Variants in VWA3A observed in about 807,000 individuals in gnomAD.
VWA3A encodes von Willebrand factor A domain containing 3A, also known as von Willebrand factor A domain-containing protein 3A.
Under a neutral mutation model 160.4 loss-of-function variants are expected in VWA3A, and 134 were observed. The ratio of observed to expected loss-of-function variants is 0.84; its 90% CI spans 0.73 to 0.96. The LOEUF is 0.96. VWA3A is among the 40% of genes least tolerant of loss of function. The pLI, the probability that VWA3A is intolerant of heterozygous loss-of-function variation, is 0.00. For missense variants in VWA3A, 1,310 were observed against 1,447.9 expected (o/e 0.90, Z 1.55); for synonymous variants, 476 against 543.4 (o/e 0.88, Z 1.72).
intron 26 of VWA3A, among the ~76,000 whole-genome samples, chr16:22,144,611 A>G (rs1020024007): frequency 1.3e-5 from 2 of 152,126 alleles, no homozygotes; most frequent in African/African-American, 4.8e-5. Flanking sequence ...GCTCATTGGA[A>G]TAAGAATTAT....
chr16:22,134,266 C>A, intron 20 of VWA3A, 102 bp from the exon 21 acceptor site: 1 of 918,648 alleles, frequency 1.1e-6, no homozygotes, highest in Non-Finnish European at 1.6e-6. Flanking sequence ...CATTCCCAGC[C>A]CTCAAGTCAC....
intron 16 of VWA3A, among the ~76,000 whole-genome samples, chr16:22,125,784 A>C (rs1188348888): frequency 9.2e-5 from 14 of 152,222 alleles, no homozygotes; most frequent in Non-Finnish European, 1.5e-5. Flanking sequence ...TAGTTAAACT[A>C]CTTAAACAAA....
intron 8 of VWA3A, among the ~76,000 whole-genome samples, chr16:22,113,823 T>A (rs1324253178): frequency 2.0e-5 from 3 of 151,834 alleles, no homozygotes; most frequent in Non-Finnish European, 2.9e-5. Flanking sequence ...GGTTTTGAAT[T>A]CCTGGCCTCA....
At chr16:22,103,381 ACAAT>A (rs2141846178) in intron 5 of VWA3A, 90 bp from the exon 6 acceptor site, 2 of 1,204,362 alleles carry the variant, frequency 1.7e-6, no homozygotes, top group Non-Finnish European at 2.3e-6. Context: ...AAAAAAAAAA[ACAAT>A]TATTCATACC....
chr16:22,096,877 T>A lies in VWA3A; in HGVS notation c.33T>A (p.Cys11Ter). 5 of 1,549,230 alleles carry A rather than the reference T, an allele frequency of 3.2e-6. No individual in the cohort carries two copies. The highest frequency in any genetic ancestry group is 4.4e-6 in the Non-Finnish European group (5 of 1,144,962). The change falls in exon 2 of 34, where the codon TGT becomes TGA. Residue 11 changes from cysteine to a stop codon, truncating the protein, a stop_gained. Transcript: ENST00000389398. LOFTEE classifies it high-confidence loss of function. ...TCTTTAGGAAAATAAGCATTGGGTG[T>A]TTTGCAATGGCTACACAAACTAGTC... is the stretch of plus-strand genomic sequence containing the variant. MKKYRKISIG[C>*]FAMATQTSHV... is the part of the protein sequence containing the mutation.
chr16:22,115,902 GAAGGAAGGAAGGAAGGAAGGAAAGGA>G (rs1396626878), intron 9 of VWA3A, among the ~76,000 whole-genome samples: 851 of 37,644 alleles, frequency 0.023, 160 homozygotes, highest in African/African-American at 0.2. Flanking sequence ...AGGAAGGAAG[GAAGGAAGGAAGGAAGGAAGGAAAGGA>G]AAGGAAAGGA....
chr16:22,151,168 T>C (rs886387708), intron 30 of VWA3A, among the ~76,000 whole-genome samples: 4 of 151,572 alleles, frequency 2.6e-5, no homozygotes, highest in Non-Finnish European at 5.9e-5. Flanking sequence ...TAATCCCAGC[T>C]ACTCAGGAGA....
chr16:22,103,203 T>C (rs1444184581), intron 5 of VWA3A, among the ~76,000 whole-genome samples: 1 of 152,030 alleles, frequency 6.6e-6, no homozygotes, highest in African/African-American at 2.4e-5. Flanking sequence ...CCAGCAAATT[T>C]TTTTATTTTT....
chr16:22,114,662 C>A (rs1352623987), intron 8 of VWA3A, among the ~76,000 whole-genome samples: 3 of 152,172 alleles, frequency 2.0e-5, no homozygotes, highest in Non-Finnish European at 4.4e-5. Flanking sequence ...TTGTCCTGGG[C>A]CTGGTACCTA....
intron 16 of VWA3A, among the ~76,000 whole-genome samples, chr16:22,124,854 C>A (rs2141929130): frequency 6.6e-6 from 1 of 152,196 alleles, no homozygotes; most frequent in Non-Finnish European, 1.5e-5. Flanking sequence ...GGTCTTCTGA[C>A]TGTAAATCCC....
In VWA3A at chr16:22,118,904, C is replaced by G; in HGVS notation, c.993C>G (p.His331Gln). 6.2e-7 allele frequency: 1 copy of G among 1,613,866 alleles called. No homozygotes were observed. Among genetic ancestry groups the G allele is most frequent in the East Asian group, 2.2e-5 (1 of 44,864 alleles). ...YYHCYSPKMEHYTSRDMDELL... is the reference protein window; with the variant it reads ...YYHCYSPKMEQYTSRDMDELL... ...CTGATTGCTCTTGCCACCCTCAGCA[C>G]TACACCAGCCGGGACATGGATGAGC... Residue 331 changes from histidine (H) to glutamine (Q), a missense_variant and splice_region_variant, in exon 12 of 34, where the codon CAC becomes CAG. Coordinates refer to ENST00000389398, the MANE Select transcript of VWA3A (RefSeq NM_173615.5).
intron 16 of VWA3A, among the ~76,000 whole-genome samples, chr16:22,125,455 GCT>G (rs1567209619): frequency 6.6e-6 from 1 of 151,748 alleles, no homozygotes; most frequent in Non-Finnish European, 1.5e-5. Flanking sequence ...ACGGAATCTC[GCT>G]CTGTCACCCA....
At chr16:22,152,749 C>T in intron 31 of VWA3A, 115 bp downstream of exon 31, 1 of 1,463,122 alleles carries the variant, frequency 6.8e-7, no homozygotes, top group East Asian at 2.6e-5. Context: ...CCACCTCGGC[C>T]TCCCAAAATG....
At position 22,156,624 on chromosome 16, in the gene VWA3A, G is replaced by A. The variant is rs1039549556; in HGVS notation, c.*607G>A. The stretch of plus-strand genomic sequence containing the variant: ...CATGGTGAACAGTGAGCAGGCGGCT[G>A]AGCTGTGAGAGCCTAGCTCTGGAAA... On this transcript the variant is annotated 3_prime_UTR_variant, in exon 34 of 34. Transcript: ENST00000389398. The A allele has an allele frequency of 6.6e-6, 1 of 152,236 alleles. No individual in the cohort carries two copies. Among genetic ancestry groups the A allele is most frequent in the Non-Finnish European group, 1.5e-5 (1 of 68,088 alleles). 9.4% of individuals were successfully genotyped at this position (152,236 alleles called of 1,614,324 possible).
chr16:22,110,044 G>T (rs2045531402), intron 7 of VWA3A, among the ~76,000 whole-genome samples: 1 of 152,196 alleles, frequency 6.6e-6, no homozygotes, highest in Non-Finnish European at 1.5e-5. Context: ...TAGCAGAGAA[G>T]CTAAGAACTA....
At chr16:22,155,104 T>C (rs1377764450) in intron 31 of VWA3A, among the ~76,000 whole-genome samples, 1 of 150,738 alleles carries the variant, frequency 6.6e-6, no homozygotes, top group Non-Finnish European at 1.5e-5. Flanking sequence ...CAGTGAGCCG[T>C]GATCACGCCA....
intron 14 of VWA3A, 109 bp from the exon 15 acceptor site, chr16:22,122,976 T>C: frequency 1.1e-6 from 1 of 870,400 alleles, no homozygotes; most frequent in Middle Eastern, 2.2e-4. Flanking sequence ...CTCAAATGTG[T>C]TCAGAGTCCA....
In VWA3A at chr16:22,145,420, C is replaced by G. The variant is rs543125837; in HGVS notation, c.2731-816C>G. On this transcript the variant is annotated intron_variant, in intron 26 of 33. Coordinates refer to ENST00000389398, the MANE Select transcript of VWA3A (RefSeq NM_173615.5). ...TTGGGAGGCCAAGGCGGGCGGATCA[C>G]CTGAGGTCAGGAGTTCGAGACCACC... 5.3e-5 allele frequency among the ~76,000 whole-genome samples: 8 copies of G among 152,260 alleles called. No homozygotes were observed. The South Asian group carries it at 1.7e-3, about 32-fold the overall frequency.
At chr16:22,145,640 C>CA (rs201708423) in intron 26 of VWA3A, among the ~76,000 whole-genome samples, 1,637 of 87,012 alleles carry the variant, frequency 0.019, 39 homozygotes, top group Admixed American at 0.099. Context: ...GACTCTGTCT[C>CA]AAAAAAAAAA....
Sources: gnomAD v4.1 joint callset for allele counts (sites outside exome capture counted in the v4.1 genomes callset) on GRCh38, gnomAD v4.1.1 for gene constraint, MANE v1.5 for transcripts, NCBI Gene and HGNC (gene_info 2026-07-23, HGNC 2026-07-21) for gene names.